Variants in DLGAP2 observed in about 807,000 individuals in gnomAD.
DLGAP2 encodes disks large-associated protein 2.
In DLGAP2, 26 loss-of-function variants were observed where a neutral mutation model predicts 100.3. The ratio of observed to expected loss-of-function variants is 0.26; its 90% confidence interval spans 0.19 to 0.36. The LOEUF (loss-of-function observed/expected upper bound fraction) is 0.36, where lower values mean the gene tolerates loss of function less well. DLGAP2 is among the 10% of genes least tolerant of loss of function. The pLI, the probability that DLGAP2 is intolerant of heterozygous loss-of-function variation, is 1.00. For missense variants in DLGAP2, 1,858 were observed against 1,453.2 expected (o/e 1.28, Z -4.53); for synonymous variants, 886 against 630.1 (o/e 1.41, Z -6.08).
chr8:1,456,034 T>C lies in DLGAP2; in HGVS notation c.107-45332T>C, dbSNP rs1019846725. Among the ~76,000 whole-genome samples the C allele has an allele frequency of 3.9e-5, 6 of 152,186 alleles. No homozygotes were observed. In the South Asian group the frequency reaches 8.3e-4, roughly 21 times the overall value. On this transcript the variant is annotated intron_variant, in intron 3 of 14. Coordinates refer to ENST00000637795, the MANE Select transcript of DLGAP2 (RefSeq NM_001346810.2). ...GCACACCAGCCCGATGGCCGCTCGC[T>C]GATTGGATTCTGAGGAATCTGTTGT... is the stretch of plus-strand genomic sequence containing the variant.
At chr8:1,448,390 A>G (rs1312049368) in intron 3 of DLGAP2, among the ~76,000 whole-genome samples, 1 of 151,834 alleles carries the variant, frequency 6.6e-6, no homozygotes, top group Non-Finnish European at 1.5e-5. Context: ...CATGTAGTTG[A>G]GTGGTTTTGA....
intron 3 of DLGAP2, among the ~76,000 whole-genome samples, chr8:1,284,386 G>C (rs576442966): frequency 6.6e-6 from 1 of 152,276 alleles, no homozygotes; most frequent in South Asian, 2.1e-4. Flanking sequence ...GATCCCATCA[G>C]TAATTGAGGT....
intron 3 of DLGAP2, among the ~76,000 whole-genome samples, chr8:1,287,959 GTT>G: frequency 6.8e-5 from 4 of 58,490 alleles, no homozygotes; most frequent in Admixed American, 1.8e-4. Flanking sequence ...TGTGTGTGTG[GTT>G]GTTAGGGGAA....
intron 2 of DLGAP2, chr8:1,250,620 C>T (rs1020810638): frequency 1.3e-5 from 2 of 152,092 alleles, no homozygotes; most frequent in African/African-American, 2.4e-5. Context: ...AGAGAAGACG[C>T]GTTCCCTCCC....
At chr8:1,523,898 GAA>G (rs1800700935) in intron 4 of DLGAP2, among the ~76,000 whole-genome samples, 1 of 152,314 alleles carries the variant, frequency 6.6e-6, no homozygotes, top group South Asian at 2.1e-4. Context: ...CTTGTGAATT[GAA>G]AAGTTCAGGG....
chr8:914,307 G>C (rs1038736161), intron 2 of DLGAP2, among the ~76,000 whole-genome samples: 1 of 152,124 alleles, frequency 6.6e-6, no homozygotes, highest in Non-Finnish European at 1.5e-5. Flanking sequence ...GGGCTGGGGC[G>C]CTCTTTTCCT....
At chr8:1,482,740 C>T (rs191813582) in intron 3 of DLGAP2, among the ~76,000 whole-genome samples, 31 of 152,354 alleles carry the variant, frequency 2.0e-4, no homozygotes, top group Middle Eastern at 3.4e-3. Context: ...CTGTAGCCCT[C>T]GGCGTCTCCC....
chr8:1,346,804 G>A (rs949574778), intron 3 of DLGAP2, among the ~76,000 whole-genome samples: 1 of 151,446 alleles, frequency 6.6e-6, no homozygotes, highest in Admixed American at 6.6e-5. Flanking sequence ...CATGGTAGAT[G>A]TGTGGAGGTT....
intron 2 of DLGAP2, among the ~76,000 whole-genome samples, chr8:1,039,372 G>C (rs1802233196): frequency 4.1e-5 from 6 of 147,662 alleles, no homozygotes; most frequent in South Asian, 2.2e-4. Flanking sequence ...AGCTCGGTGT[G>C]CATGGTCAGC....
chr8:1,364,970 C>G (rs1280354076), intron 3 of DLGAP2, among the ~76,000 whole-genome samples: 1 of 152,318 alleles, frequency 6.6e-6, no homozygotes, highest in Non-Finnish European at 1.5e-5. Context: ...GGCCCCACTC[C>G]CTCCATGCCT....
intron 2 of DLGAP2, among the ~76,000 whole-genome samples, chr8:1,090,595 CCT>C (rs1465826741): frequency 1.3e-5 from 2 of 152,206 alleles, no homozygotes; most frequent in African/African-American, 2.4e-5. Context: ...GTGGCAGCCC[CCT>C]GAGTGGGGAG....
At chr8:1,208,327 C>T (rs1165249247) in intron 2 of DLGAP2, among the ~76,000 whole-genome samples, 1 of 152,128 alleles carries the variant, frequency 6.6e-6, no homozygotes, top group Non-Finnish European at 1.5e-5. Flanking sequence ...GGTGTCCTTT[C>T]CCCGCTTATG....
intron 1 of DLGAP2, among the ~76,000 whole-genome samples, chr8:899,574 T>A (rs1798210953): frequency 1.3e-5 from 2 of 152,150 alleles, no homozygotes; most frequent in Non-Finnish European, 1.5e-5. Flanking sequence ...TTTAATGCCA[T>A]AGAAGGGAGG....
intron 2 of DLGAP2, among the ~76,000 whole-genome samples, chr8:1,236,950 G>A (rs1239408147): frequency 0.017 from 2,485 of 143,020 alleles, 32 homozygotes; most frequent in Middle Eastern, 0.047. Flanking sequence ...ACATGGCGCC[G>A]TGTCTAGTTC....
chr8:1,506,811 T>A (rs967073840), intron 4 of DLGAP2, among the ~76,000 whole-genome samples: 13 of 151,626 alleles, frequency 8.6e-5, no homozygotes, highest in Admixed American at 8.5e-4. Context: ...CAATCCTCTA[T>A]CTAGACATAA....
intron 3 of DLGAP2, among the ~76,000 whole-genome samples, chr8:1,320,871 G>C (rs1195187989): frequency 1.3e-5 from 2 of 152,120 alleles, no homozygotes; most frequent in Non-Finnish European, 2.9e-5. Flanking sequence ...TTGCATTCGT[G>C]TGTGTGTGCA....
chr8:1,624,509 C>G (rs538977977), intron 6 of DLGAP2, among the ~76,000 whole-genome samples: 37 of 151,946 alleles, frequency 2.4e-4, no homozygotes, highest in African/African-American at 8.9e-4. Flanking sequence ...TGAGTCCACG[C>G]ATCCATCAAC....
chr8:1,058,698 T>C (rs1267652156), intron 2 of DLGAP2, among the ~76,000 whole-genome samples: 2 of 152,222 alleles, frequency 1.3e-5, no homozygotes, highest in African/African-American at 4.8e-5. Context: ...AAATTAGAGT[T>C]GTGGTTGTCA....
chr8:940,176 G>C (rs907715826), intron 2 of DLGAP2, among the ~76,000 whole-genome samples: 1 of 152,058 alleles, frequency 6.6e-6, no homozygotes, highest in African/African-American at 2.4e-5. Context: ...CTACGTATTT[G>C]ATGACTCTTG....
Sources: allele counts gnomAD v4.1 joint callset (sites outside exome capture counted in the v4.1 genomes callset), GRCh38; gene constraint gnomAD v4.1.1; transcripts MANE v1.5; gene names NCBI Gene and HGNC (gene_info 2026-07-23, HGNC 2026-07-21).